The following KAT2B variants were observed in gnomAD, a reference collection of about 807,000 sequenced individuals.
The protein encoded by KAT2B is lysine acetyltransferase 2B.
Under a neutral mutation model 105.9 loss-of-function variants are expected in KAT2B, and 36 were observed. The ratio of observed to expected loss-of-function variants is 0.34; its 90% CI spans 0.26 to 0.45. The LOEUF (loss-of-function observed/expected upper bound fraction) is 0.45, where lower values mean the gene tolerates loss of function less well. KAT2B is among the 20% of genes least tolerant of loss of function. The probability of loss-of-function intolerance (pLI) is 1.00; values close to 1 mark genes in which losing one functional copy is unlikely to be tolerated. For missense variants in KAT2B, 820 were observed against 1,021.6 expected, an observed-to-expected ratio of 0.80 and a Z score of 2.69; for synonymous variants, 397 against 377.9, an observed-to-expected ratio of 1.05 and a Z score of -0.59.
chr3:20,124,475 T>G (rs914098493), intron 9 of KAT2B, among the ~76,000 whole-genome samples: 1 of 152,124 alleles, frequency 6.6e-6, no homozygotes, highest in African/African-American at 2.4e-5. Flanking sequence ...AAATCTCATA[T>G]GAACTAACTG....
chr3:20,101,367 G>A lies in KAT2B; in HGVS notation c.750G>A (p.Met250Ile), dbSNP rs1698906806. 1.9e-6 allele frequency: 3 copies of A among 1,614,024 alleles called. No homozygotes were observed. Among genetic ancestry groups the A allele is most frequent in the Non-Finnish European group, 2.5e-6 (3 of 1,179,948 alleles). The change falls in exon 5 of 18, where the codon ATG becomes ATA. Residue 250 changes from methionine (M) to isoleucine (I), a missense_variant. This residue lies in a region of KAT2B where 173 missense variants were observed against 249.5 expected (regional missense o/e 0.69). Transcript: ENST00000263754. ...AAACAATAGTTGAGTTGGCAAAAAT[G>A]TTCCTAAACCGCATCAACTATTGGC... ...ERQTIVELAK[M>I]FLNRINYWHL...
Position 20,119,632 on chromosome 3 carries a change from A to C in KAT2B, c.1185A>C (p.Ser395=). 1 of 1,614,054 alleles carries C rather than the reference A, an allele frequency of 6.2e-7. No individual in the cohort carries two copies. The highest frequency in any genetic ancestry group is 8.5e-7 in the Non-Finnish European group (1 of 1,179,954). Residue 395 remains serine, a synonymous_variant, in exon 8 of 18, where the codon TCA becomes TCC. Coordinates refer to ENST00000263754, the MANE Select transcript of KAT2B (RefSeq NM_003884.5). ...INPPPVAGTI[S]YNSTSSSLEQ... is the part of the protein sequence containing the mutation. ...CACCTCCTGTGGCTGGGACAATTTCATACAATTCAACCTCATCTTCCCTTG... is the reference window on the plus strand; with the variant it reads ...CACCTCCTGTGGCTGGGACAATTTCCTACAATTCAACCTCATCTTCCCTTG...
chr3:20,131,010 CTTTTTTT>C (rs148208028), intron 11 of KAT2B, among the ~76,000 whole-genome samples: 1 of 74,704 alleles, frequency 1.3e-5, no homozygotes, highest in Non-Finnish European at 2.5e-5. Context: ...GTTTCCTGGC[CTTTTTTT>C]TTTTTTTTTT....
At chr3:20,109,618 T>A (rs955418409) in intron 5 of KAT2B, among the ~76,000 whole-genome samples, 1 of 152,132 alleles carries the variant, frequency 6.6e-6, no homozygotes, top group Non-Finnish European at 1.5e-5. Context: ...ATGCCATGCC[T>A]AGCCAGCCCA....
intron 9 of KAT2B, chr3:20,123,087 C>A: frequency 2.8e-6 from 1 of 358,962 alleles, no homozygotes; most frequent in South Asian, 1.1e-4. Context: ...ATAAATGTTG[C>A]AGAAATTCTG....
intron 5 of KAT2B, among the ~76,000 whole-genome samples, chr3:20,103,598 G>A (rs1261635535): frequency 2.0e-5 from 3 of 151,868 alleles, no homozygotes; most frequent in African/African-American, 7.3e-5. Flanking sequence ...TTATAGAGAT[G>A]GGGTCTCGCT....
chr3:20,067,979 A>G (rs1432962129), intron 1 of KAT2B, among the ~76,000 whole-genome samples: 1 of 129,772 alleles, frequency 7.7e-6, no homozygotes, highest in Non-Finnish European at 1.6e-5. Context: ...GCTTAATTTC[A>G]TTTCTTTTTT....
chr3:20,056,264 A>G (rs1387936267), intron 1 of KAT2B, among the ~76,000 whole-genome samples: 1 of 152,154 alleles, frequency 6.6e-6, no homozygotes, highest in Non-Finnish European at 1.5e-5. Flanking sequence ...AGGCAACAGG[A>G]CTTAATTTGT....
intron 2 of KAT2B, among the ~76,000 whole-genome samples, chr3:20,087,875 A>AG (rs1698648393): frequency 6.6e-6 from 1 of 152,156 alleles, no homozygotes; most frequent in Admixed American, 6.6e-5. Context: ...CCTGGGCTCA[A>AG]GGGATCCTCT....
At chr3:20,045,048 T>G (rs1039646819) in intron 1 of KAT2B, among the ~76,000 whole-genome samples, 1 of 152,148 alleles carries the variant, frequency 6.6e-6, no homozygotes, top group African/African-American at 2.4e-5. Flanking sequence ...AGGGTCTCGC[T>G]CTGTCACCCT....
At chr3:20,104,145 T>C (rs1444861577) in intron 5 of KAT2B, among the ~76,000 whole-genome samples, 2 of 152,100 alleles carry the variant, frequency 1.3e-5, no homozygotes, top group South Asian at 2.1e-4. Context: ...TAGCAGGGAA[T>C]AGAAAAACAG....
At position 20,152,708 on chromosome 3, in the gene KAT2B, T is replaced by C. The variant is rs1699890550; in HGVS notation, c.*183T>C. 1 of 471,054 alleles carries C rather than the reference T, an allele frequency of 2.1e-6. No individual in the cohort carries two copies. Among genetic ancestry groups the C allele is most frequent in the Non-Finnish European group, 3.8e-6 (1 of 263,540 alleles). 29.2% of individuals were successfully genotyped at this position (471,054 alleles called of 1,614,324 possible). On this transcript the variant is annotated 3_prime_UTR_variant, in exon 18 of 18. Coordinates refer to ENST00000263754, the MANE Select transcript of KAT2B (RefSeq NM_003884.5). ...CAGATATGTATTTAAATTGAAGTCA[T>C]AGGACATTTTTATTTTATGGAATAG...
chr3:20,051,668 C>T (rs948877599), intron 1 of KAT2B, among the ~76,000 whole-genome samples: 1 of 152,166 alleles, frequency 6.6e-6, no homozygotes, highest in African/African-American at 2.4e-5. Flanking sequence ...TAAATGCCAC[C>T]CTCTCCCCAG....
chr3:20,040,978 G>C (rs932550530), intron 1 of KAT2B, among the ~76,000 whole-genome samples, 198 bp downstream of exon 1: 10 of 152,178 alleles, frequency 6.6e-5, no homozygotes, highest in African/African-American at 2.4e-4. Context: ...TGGGTTTGAA[G>C]AAGGGGGATC....
At chr3:20,136,835 A>C (rs993716586) in intron 11 of KAT2B, 107 bp from the exon 12 acceptor site, 8 of 550,738 alleles carry the variant, frequency 1.5e-5, no homozygotes, top group Non-Finnish European at 2.3e-5. Flanking sequence ...TGGTTGGTAA[A>C]ATATGTAAAA....
intron 11 of KAT2B, among the ~76,000 whole-genome samples, chr3:20,133,189 A>G (rs977018663): frequency 1.3e-5 from 2 of 152,200 alleles, no homozygotes; most frequent in Admixed American, 1.3e-4. Context: ...ATATATTGGA[A>G]CTTACTGAAC....
intron 1 of KAT2B, among the ~76,000 whole-genome samples, chr3:20,054,645 G>T (rs767330656): frequency 2.0e-5 from 3 of 152,176 alleles, no homozygotes; most frequent in Non-Finnish European, 2.9e-5. Flanking sequence ...TGGTATGCAG[G>T]AGGTTCCAGA....
chr3:20,076,081 CCT>C (rs1436168894), intron 2 of KAT2B, among the ~76,000 whole-genome samples: 1 of 152,006 alleles, frequency 6.6e-6, no homozygotes, highest in Non-Finnish European at 1.5e-5. Flanking sequence ...TCTTAAGTCA[CCT>C]CATTAGCATA....
chr3:20,137,164 G>A (rs1183267631), intron 12 of KAT2B, 112 bp downstream of exon 12: 5 of 628,914 alleles, frequency 8.0e-6, no homozygotes, highest in Non-Finnish European at 1.4e-5. Context: ...ATAAGAACAG[G>A]CATTTGTTTT....
Sources: allele counts gnomAD v4.1 joint callset (sites outside exome capture counted in the v4.1 genomes callset), GRCh38; gene constraint gnomAD v4.1.1; regional missense constraint gnomAD v4.1.1; transcripts MANE v1.5; gene names NCBI Gene and HGNC (gene_info 2026-07-23, HGNC 2026-07-21).